CFAP43: variants seen among roughly 807,000 people sequenced by gnomAD.
CFAP43 encodes the protein cilia- and flagella-associated protein 43.
In CFAP43, 155 loss-of-function variants were observed where a neutral mutation model predicts 218.9. The observed-to-expected ratio is 0.71, with a 90% confidence interval of 0.62 to 0.81. The LOEUF is 0.81. Ranked by LOEUF, CFAP43 falls within the 30% of genes least tolerant of loss-of-function variation. The pLI, the probability that CFAP43 is intolerant of heterozygous loss-of-function variation, is 0.00. For missense variants in CFAP43, 1,778 were observed against 1,954.3 expected, an observed-to-expected ratio of 0.91 and a Z score of 1.70; for synonymous variants, 645 against 681.3, an observed-to-expected ratio of 0.95 and a Z score of 0.83.
chr10:104,207,171 T>TA (rs35723963), intron 6 of CFAP43, among the ~76,000 whole-genome samples: 39,763 of 150,394 alleles, frequency 0.26, 5,533 homozygotes, highest in Middle Eastern at 0.34. Context: ...AGACTCTGTC[T>TA]AAAAAAAAAC....
At chr10:104,210,243 A>G (rs2134967242) in intron 5 of CFAP43, among the ~76,000 whole-genome samples, 1 of 152,360 alleles carries the variant, frequency 6.6e-6, no homozygotes, top group Non-Finnish European at 1.5e-5. Context: ...CTCTTTCCAT[A>G]ATTTAAAAAG....
At chr10:104,189,369 G>C (rs758379688) in intron 12 of CFAP43, among the ~76,000 whole-genome samples, 1 of 152,126 alleles carries the variant, frequency 6.6e-6, no homozygotes, top group Non-Finnish European at 1.5e-5. Context: ...TCCTAAAATA[G>C]TTTTGGCACT....
chr10:104,179,030 G>T lies in CFAP43; in HGVS notation c.2459C>A (p.Thr820Asn). The T allele has an allele frequency of 1.2e-6, 2 of 1,609,780 alleles. No individual in the cohort carries two copies. Among genetic ancestry groups the T allele is most frequent in the Non-Finnish European group, 1.7e-6 (2 of 1,176,814 alleles). ...IKQGIKSLSK[T>N]ILNMMEENDK... The stretch of plus-strand genomic sequence containing the variant: ...AGAATATGAAATTACAACACTTACA[G>T]TTTTGGAAAGTGATTTGATTCCTTG... The change falls in exon 19 of 38, where the codon ACT (threonine) becomes AAT (asparagine). Residue 820 changes from threonine (T) to asparagine (N), a missense_variant and splice_region_variant. Transcript: ENST00000357060.
intron 12 of CFAP43, 54 bp from the exon 13 acceptor site, chr10:104,188,464 T>A (rs866128013): frequency 6.3e-7 from 1 of 1,578,926 alleles, no homozygotes; most frequent in Middle Eastern, 2.1e-4. Flanking sequence ...GTTTAAATGA[T>A]CTTTTACCTT....
At chr10:104,211,061 C>G (rs973880999) in intron 5 of CFAP43, among the ~76,000 whole-genome samples, 1 of 151,888 alleles carries the variant, frequency 6.6e-6, no homozygotes, top group African/African-American at 2.4e-5. Context: ...AAAGGAAACA[C>G]TCTTTATCCT....
intron 23 of CFAP43, among the ~76,000 whole-genome samples, chr10:104,166,285 G>C (rs2089146652): frequency 6.6e-6 from 1 of 152,046 alleles, no homozygotes; most frequent in Non-Finnish European, 1.5e-5. Flanking sequence ...TGTTAGCTAG[G>C]ATGGTCTCGA....
At chr10:104,183,025 G>A (rs1474944086) in intron 16 of CFAP43, among the ~76,000 whole-genome samples, 1 of 152,170 alleles carries the variant, frequency 6.6e-6, no homozygotes, top group East Asian at 1.9e-4. Flanking sequence ...GCACAGAAGA[G>A]CCAGTGCACT....
chr10:104,197,419 A>C (rs1479296330), intron 9 of CFAP43, among the ~76,000 whole-genome samples: 4 of 152,206 alleles, frequency 2.6e-5, no homozygotes, highest in Non-Finnish European at 4.4e-5. Context: ...ATTTGTTACA[A>C]CTGAAGAGCC....
intron 34 of CFAP43, among the ~76,000 whole-genome samples, chr10:104,136,123 G>A (rs1171410883): frequency 2.0e-5 from 3 of 151,292 alleles, no homozygotes; most frequent in Non-Finnish European, 4.4e-5. Flanking sequence ...GGTGGTGGGC[G>A]CCTGTAAATC....
chr10:104,198,181 A>G (rs2090430706), intron 8 of CFAP43, 143 bp from the exon 9 acceptor site: 1 of 474,072 alleles, frequency 2.1e-6, no homozygotes, highest in African/African-American at 2.0e-5. Flanking sequence ...TAAGACCTTG[A>G]CCCTGAAGGG....
At position 104,182,443 on chromosome 10, in the gene CFAP43, C is replaced by A; in HGVS notation, c.2212G>T (p.Ala738Ser). The part of the protein sequence containing the change: ...YQKLLISLSS[A>S]MDKENHYLST... Reference sequence around the variant, plus strand: ...AAATAATGATTCTCCTTGTCCATGGCGCTGCTCAGGGAAATTAATAGTTTC... The same window carrying A: ...AAATAATGATTCTCCTTGTCCATGGAGCTGCTCAGGGAAATTAATAGTTTC... The change falls in exon 17 of 38, where the codon GCC becomes TCC. Residue 738 changes from alanine (A) to serine (S), a missense_variant. Ala to Ser is a moderately conservative substitution (Grantham distance 99, BLOSUM62 1). Transcript: ENST00000357060. 6.2e-7 allele frequency: 1 copy of A among 1,612,518 alleles called. No homozygotes were observed. Among genetic ancestry groups the A allele is most frequent in the Non-Finnish European group, 8.5e-7 (1 of 1,179,438 alleles).
chr10:104,155,037 A>G (rs2088466834), intron 27 of CFAP43, among the ~76,000 whole-genome samples: 1 of 152,138 alleles, frequency 6.6e-6, no homozygotes, highest in Non-Finnish European at 1.5e-5. Context: ...GAGCTGAGCA[A>G]TGAAGCCATC....
chr10:104,188,481 T>C, intron 12 of CFAP43, 71 bp from the exon 13 acceptor site: 2 of 1,552,018 alleles, frequency 1.3e-6, no homozygotes, highest in Non-Finnish European at 1.7e-6. Flanking sequence ...CCTTTCCAAT[T>C]AAGATATCAT....
At chr10:104,175,692 G>C (rs1204824460) in intron 19 of CFAP43, among the ~76,000 whole-genome samples, 1 of 152,160 alleles carries the variant, frequency 6.6e-6, no homozygotes, top group Non-Finnish European at 1.5e-5. Context: ...TTGTGAGAGA[G>C]TATGGTACCG....
chr10:104,144,515 G>A (rs1222087849), intron 31 of CFAP43, among the ~76,000 whole-genome samples: 1 of 152,178 alleles, frequency 6.6e-6, no homozygotes, highest in Admixed American at 6.5e-5. Flanking sequence ...TGGGCGTGGT[G>A]GCATGTGCCT....
chr10:104,228,675 T>C (rs2091367980), intron 2 of CFAP43, among the ~76,000 whole-genome samples: 1 of 152,160 alleles, frequency 6.6e-6, no homozygotes, highest in South Asian at 2.1e-4. Context: ...ATATTTTAAA[T>C]CAATGATTTT....
chr10:104,166,350 G>C (rs1023000834), intron 23 of CFAP43, 138 bp downstream of exon 23: 2 of 653,860 alleles, frequency 3.1e-6, no homozygotes, highest in Admixed American at 5.8e-5. Flanking sequence ...GGGATTACAG[G>C]TGTGAGCCAC....
chr10:104,173,620 G>C (rs1187716307), intron 19 of CFAP43, among the ~76,000 whole-genome samples: 1 of 152,190 alleles, frequency 6.6e-6, no homozygotes, highest in Non-Finnish European at 1.5e-5. Flanking sequence ...ACAGGGCAAG[G>C]CCCAAGGAAT....
In CFAP43 at chr10:104,176,807, T is replaced by C. The variant is rs552917551; in HGVS notation, c.2460+2222A>G. Among the ~76,000 whole-genome samples, 393 of 152,150 alleles carry C rather than the reference T, an allele frequency of 2.6e-3. 1 individual carries two copies. Among genetic ancestry groups the C allele is most frequent in the Middle Eastern group, 0.017 (5 of 294 alleles). Reference sequence around the variant, plus strand: ...TGAGCTAAATACCCACCCAGGATGGTTACATGGGAATGAAATAACCTTCTC... The same window carrying C: ...TGAGCTAAATACCCACCCAGGATGGCTACATGGGAATGAAATAACCTTCTC... On this transcript the variant is annotated intron_variant, in intron 19 of 37. Coordinates refer to ENST00000357060, the MANE Select transcript of CFAP43 (RefSeq NM_025145.7).
Sources: gnomAD v4.1 joint callset for allele counts (sites outside exome capture counted in the v4.1 genomes callset) on GRCh38, gnomAD v4.1.1 for gene constraint, MANE v1.5 for transcripts, NCBI Gene and HGNC (gene_info 2026-07-23, HGNC 2026-07-21) for gene names.